The following C8A variants were observed in gnomAD, a reference collection of about 807,000 sequenced individuals.
C8A encodes complement component C8 alpha chain.
C8A carries 67 observed loss-of-function variants against 65.3 expected under a neutral mutation model. The ratio of observed to expected loss-of-function variants is 1.03; its 90% CI spans 0.84 to 1.26. The LOEUF (loss-of-function observed/expected upper bound fraction) is 1.26. Ranked by LOEUF, C8A falls within the 50% of genes most tolerant of loss-of-function variation. The pLI, the probability that C8A is intolerant of heterozygous loss-of-function variation, is 0.00. For missense variants in C8A, 781 were observed against 723.9 expected (o/e 1.08, Z -0.90); for synonymous variants, 290 against 259.4 (o/e 1.12, Z -1.13).
chr1:56,855,035 C>G, intron 1 of C8A, 57 bp downstream of exon 1: 1 of 1,274,598 alleles, frequency 7.8e-7, no homozygotes, highest in South Asian at 1.2e-5. Context: ...TGCTGGGGAA[C>G]TAAGACACTT....
chr1:56,865,965 G>A (rs1570315539), intron 1 of C8A, among the ~76,000 whole-genome samples: 1 of 152,124 alleles, frequency 6.6e-6, no homozygotes, highest in South Asian at 2.1e-4. Flanking sequence ...AAAGTATAAA[G>A]ACCAATGGAT....
At chr1:56,866,524 T>G (rs1644089846) in intron 1 of C8A, among the ~76,000 whole-genome samples, 1 of 152,212 alleles carries the variant, frequency 6.6e-6, no homozygotes, top group Non-Finnish European at 1.5e-5. Flanking sequence ...GAGTTTCAAC[T>G]TAGGTGTCAT....
At chr1:56,867,991 A>G (rs1426631801) in intron 2 of C8A, among the ~76,000 whole-genome samples, 1 of 152,106 alleles carries the variant, frequency 6.6e-6, no homozygotes, top group East Asian at 1.9e-4. Flanking sequence ...GTCATGGCAA[A>G]TCTATTGCCC....
intron 7 of C8A, among the ~76,000 whole-genome samples, chr1:56,890,007 C>T (rs761671078): frequency 6.6e-6 from 1 of 152,082 alleles, no homozygotes; most frequent in Non-Finnish European, 1.5e-5. Context: ...TTTTCCCCTC[C>T]TTCATTCCTT....
intron 1 of C8A, among the ~76,000 whole-genome samples, chr1:56,866,636 G>A (rs1644091095): frequency 6.6e-6 from 1 of 152,202 alleles, no homozygotes; most frequent in African/African-American, 2.4e-5. Flanking sequence ...TGGCTGCCTG[G>A]CTCTCAGAGG....
intron 7 of C8A, among the ~76,000 whole-genome samples, chr1:56,888,218 T>C (rs1450782594): frequency 6.6e-6 from 1 of 152,236 alleles, no homozygotes; most frequent in African/African-American, 2.4e-5. Flanking sequence ...CTTTTCTCTC[T>C]TTAACACTCA....
intron 1 of C8A, among the ~76,000 whole-genome samples, chr1:56,858,891 A>C (rs1570310067): frequency 6.6e-6 from 1 of 152,224 alleles, no homozygotes; most frequent in African/African-American, 2.4e-5. Flanking sequence ...AAGTTGCGCC[A>C]GTTGCTTAAA....
intron 2 of C8A, among the ~76,000 whole-genome samples, chr1:56,870,247 C>T (rs1026032695): frequency 2.6e-5 from 4 of 152,098 alleles, no homozygotes; most frequent in South Asian, 4.1e-4. Context: ...CTCTTAGAGG[C>T]GCTAGAAGGG....
chr1:56,867,848 A>G (rs951137383), intron 2 of C8A, 146 bp downstream of exon 2: 4 of 707,748 alleles, frequency 5.7e-6, no homozygotes, highest in African/African-American at 1.8e-5. Flanking sequence ...TTATACATGG[A>G]TGGTGAAACT....
chr1:56,892,484 C>T (rs576164624), intron 7 of C8A, among the ~76,000 whole-genome samples: 3 of 152,050 alleles, frequency 2.0e-5, no homozygotes, highest in African/African-American at 4.8e-5. Context: ...TCATTTCAGC[C>T]GCCTTTACTG....
rs652785 is a variant in C8A at position 56,875,054 on chromosome 1, C to A, written c.277C>A (p.Gln93Lys). ...SCSSSTTCVR[Q>K]AQCGQDFQCK... is the part of the protein sequence containing the mutation. ...CTCCAGTTCTACAACTTGTGTAAGG[C>A]AAGCACAGTGTGGACAGGATTTCCA... The change falls in exon 3 of 11, where the codon CAA becomes AAA. Residue 93 changes from glutamine (Q) to lysine (K), a missense_variant. By Grantham distance (53) the Gln-to-Lys change is moderately conservative (BLOSUM62 1). Coordinates refer to ENST00000361249, the MANE Select transcript of C8A (RefSeq NM_000562.3). The A allele has an allele frequency of 0.38, 605,649 of 1,612,406 alleles. 117,359 individuals are homozygous for A. Among genetic ancestry groups the A allele is most frequent in the South Asian group, 0.5 (45,751 of 91,004 alleles).
At chr1:56,883,208 C>A (rs1644261415) in intron 5 of C8A, among the ~76,000 whole-genome samples, 1 of 145,952 alleles carries the variant, frequency 6.9e-6, no homozygotes, top group Admixed American at 7.0e-5. Context: ...AGCATTTGAT[C>A]AGAATCATCT....
At chr1:56,900,606 A>G (rs1282668001) in intron 7 of C8A, among the ~76,000 whole-genome samples, 2 of 150,928 alleles carry the variant, frequency 1.3e-5, no homozygotes, top group Non-Finnish European at 2.9e-5. Context: ...AGAGTCTCCA[A>G]TGAGATAATG....
At chr1:56,894,939 G>A (rs552282861) in intron 7 of C8A, among the ~76,000 whole-genome samples, 1 of 152,130 alleles carries the variant, frequency 6.6e-6, no homozygotes, top group Admixed American at 6.5e-5. Flanking sequence ...TCACTATTTT[G>A]TTTTAATACA....
rs774750298 is a variant in C8A at position 56,873,921 on chromosome 1, CT to C, written c.172-1027del. ...CAGCTTCCTTCTTCTACGCTAGTGCCTGACACTGTACACTATATAGAAAGCA... is the reference window on the plus strand; with the variant it reads ...CAGCTTCCTTCTTCTACGCTAGTGCCGACACTGTACACTATATAGAAAGCA... On this transcript the variant is annotated intron_variant, in intron 2 of 10. Transcript: ENST00000361249. 2.0e-4 allele frequency among the ~76,000 whole-genome samples: 30 copies of C among 152,302 alleles called. No individual in the cohort carries two copies. In the South Asian group the frequency reaches 4.4e-3, roughly 22 times the overall value.
intron 1 of C8A, among the ~76,000 whole-genome samples, chr1:56,859,620 C>G (rs905269603): frequency 6.6e-6 from 1 of 152,094 alleles, no homozygotes; most frequent in Non-Finnish European, 1.5e-5. Context: ...ACAGTGGATA[C>G]TTTTTTGGAT....
intron 9 of C8A, among the ~76,000 whole-genome samples, chr1:56,910,657 G>A (rs1644497822): frequency 6.6e-6 from 1 of 152,234 alleles, no homozygotes; most frequent in Non-Finnish European, 1.5e-5. Context: ...CTTCCAGTAA[G>A]TGGTTTTCTC....
chr1:56,892,311 T>C (rs1644352820), intron 7 of C8A, among the ~76,000 whole-genome samples: 1 of 152,140 alleles, frequency 6.6e-6, no homozygotes. Context: ...ATTTATTATG[T>C]GCTAAGCTCC....
Position 56,902,356 on chromosome 1 carries a change from C to T in C8A, c.1097-4311C>T, listed in dbSNP as rs1367837889. Reference sequence around the variant, plus strand: ...CTCTGGAGGGTTTAATCCAGTTCTACTGGTCTCTCTTAAAGATAAATCTTT... The same window carrying T: ...CTCTGGAGGGTTTAATCCAGTTCTATTGGTCTCTCTTAAAGATAAATCTTT... On this transcript the variant is annotated intron_variant, in intron 7 of 10. Coordinates refer to ENST00000361249, the MANE Select transcript of C8A (RefSeq NM_000562.3). Among the ~76,000 whole-genome samples, 3 of 151,388 alleles carry T rather than the reference C, an allele frequency of 2.0e-5. 1 individual carries two copies. The highest frequency in any genetic ancestry group is 4.4e-5 in the Non-Finnish European group (3 of 67,890).
Sources: allele counts gnomAD v4.1 joint callset (sites outside exome capture counted in the v4.1 genomes callset), GRCh38; gene constraint gnomAD v4.1.1; transcripts MANE v1.5; gene names NCBI Gene and HGNC (gene_info 2026-07-23, HGNC 2026-07-21).